Variants in RPS6KC1 observed in about 807,000 individuals in gnomAD.
RPS6KC1 encodes the protein inactive ribosomal protein S6 kinase delta-1.
Under a neutral mutation model 103.8 loss-of-function variants are expected in RPS6KC1, and 54 were observed. That is an observed-to-expected ratio of 0.52 (90% CI 0.42 to 0.65). The LOEUF (loss-of-function observed/expected upper bound fraction) is 0.65. RPS6KC1 is among the 30% of genes least tolerant of loss of function. The pLI is 0.00. For missense variants in RPS6KC1, 1,151 were observed against 1,253.8 expected, an observed-to-expected ratio of 0.92 and a Z score of 1.24; for synonymous variants, 439 against 438.7, an observed-to-expected ratio of 1.00 and a Z score of -0.01.
the RPS6KC1 span, among the ~76,000 whole-genome samples, chr1:213,356,050 G>C: frequency 1.3e-5 from 2 of 152,162 alleles, no homozygotes; most frequent in African/African-American, 4.8e-5. Flanking sequence ...AGGTCAGTCT[G>C]GTTATGTGCT....
At chr1:213,070,541 G>T (rs780862335) in intron 1 of RPS6KC1, among the ~76,000 whole-genome samples, 21 of 151,996 alleles carry the variant, frequency 1.4e-4, no homozygotes, top group Non-Finnish European at 2.5e-4. Flanking sequence ...AGAGACTCCA[G>T]CGCAACCATG....
chr1:213,846,577 A>G, the RPS6KC1 span, among the ~76,000 whole-genome samples: 2 of 152,240 alleles, frequency 1.3e-5, no homozygotes, highest in Non-Finnish European at 2.9e-5. Flanking sequence ...GCCATGATCA[A>G]AAACAAAACA....
chr1:213,370,013 C>A, the RPS6KC1 span, among the ~76,000 whole-genome samples: 1 of 152,222 alleles, frequency 6.6e-6, no homozygotes, highest in African/African-American at 2.4e-5. Context: ...ATTCTGCTCT[C>A]ACTCACTATG....
At chr1:213,753,493 C>G in the RPS6KC1 span, among the ~76,000 whole-genome samples, 1 of 152,148 alleles carries the variant, frequency 6.6e-6, no homozygotes, top group Admixed American at 6.5e-5. Flanking sequence ...TGGGGCCCTA[C>G]TAGATTGCCC....
intron 13 of RPS6KC1, 29 bp from the exon 14 acceptor site, chr1:213,262,692 T>G: frequency 7.5e-7 from 1 of 1,336,126 alleles, no homozygotes; most frequent in South Asian, 1.2e-5. Context: ...TTATTTGGGA[T>G]AAGAAGTGTA....
the RPS6KC1 span, among the ~76,000 whole-genome samples, chr1:213,657,282 G>A: frequency 6.6e-6 from 1 of 152,122 alleles, no homozygotes; most frequent in African/African-American, 2.4e-5. Context: ...GGAAGGCAAA[G>A]GTAGTGAATG....
At chr1:213,354,023 C>T in the RPS6KC1 span, among the ~76,000 whole-genome samples, 1 of 152,170 alleles carries the variant, frequency 6.6e-6, no homozygotes, top group African/African-American at 2.4e-5. Flanking sequence ...AAAGAAAGTC[C>T]ATTAAGTCCT....
At chr1:213,584,206 A>G in the RPS6KC1 span, among the ~76,000 whole-genome samples, 1 of 152,316 alleles carries the variant, frequency 6.6e-6, no homozygotes, top group Admixed American at 6.5e-5. Flanking sequence ...AGGCTTCCCC[A>G]GCCATGTGGA....
At chr1:213,407,023 G>A in the RPS6KC1 span, among the ~76,000 whole-genome samples, 1 of 152,104 alleles carries the variant, frequency 6.6e-6, no homozygotes, top group Non-Finnish European at 1.5e-5. Context: ...GTGCTGAGGT[G>A]CCTTTGCTGG....
chr1:213,751,130 C>T, the RPS6KC1 span, among the ~76,000 whole-genome samples: 1 of 152,130 alleles, frequency 6.6e-6, no homozygotes, highest in African/African-American at 2.4e-5. Context: ...CATGAATTTT[C>T]TACACAGACA....
At chr1:213,061,834 T>C (rs139760311) in intron 1 of RPS6KC1, among the ~76,000 whole-genome samples, 2 of 152,314 alleles carry the variant, frequency 1.3e-5, no homozygotes, top group Non-Finnish European at 2.9e-5. Flanking sequence ...TGGACATGTT[T>C]TCCATGTTTG....
intron 8 of RPS6KC1, among the ~76,000 whole-genome samples, chr1:213,219,978 G>A (rs953646968): frequency 6.6e-6 from 1 of 151,850 alleles, no homozygotes; most frequent in Non-Finnish European, 1.5e-5. Context: ...TGCACGTTGT[G>A]CACATGTACC....
the RPS6KC1 span, among the ~76,000 whole-genome samples, chr1:213,737,420 G>A: frequency 6.6e-6 from 1 of 152,172 alleles, no homozygotes; most frequent in Non-Finnish European, 1.5e-5. Flanking sequence ...GAATCAAAAT[G>A]GTGATTTCAG....
the RPS6KC1 span, among the ~76,000 whole-genome samples, chr1:213,353,839 A>G: frequency 6.6e-6 from 1 of 152,196 alleles, no homozygotes; most frequent in Admixed American, 6.5e-5. Context: ...AATGTTATGG[A>G]AATTCAGAGG....
the RPS6KC1 span, among the ~76,000 whole-genome samples, chr1:213,516,493 GT>G: frequency 6.6e-6 from 1 of 152,178 alleles, no homozygotes. Flanking sequence ...ATAATCATGT[GT>G]TTTTTGTCGT....
the RPS6KC1 span, among the ~76,000 whole-genome samples, chr1:213,321,981 A>G: frequency 6.6e-6 from 1 of 152,210 alleles, no homozygotes; most frequent in African/African-American, 2.4e-5. Flanking sequence ...GGAATGAGTG[A>G]GAGGGGGTAG....
the RPS6KC1 span, among the ~76,000 whole-genome samples, chr1:213,301,698 C>CTTACTTACTTATTTAT: frequency 1.6e-4 from 22 of 141,254 alleles, no homozygotes; most frequent in African/African-American, 5.8e-4. Context: ...GACCCATTTA[C>CTTACTTACTTATTTAT]TTATTTATTT....
the RPS6KC1 span, among the ~76,000 whole-genome samples, chr1:213,815,543 A>T: frequency 6.6e-6 from 1 of 152,060 alleles, no homozygotes; most frequent in African/African-American, 2.4e-5. Flanking sequence ...AAATTTAAAA[A>T]TAGGAGTTCA....
chr1:213,338,360 A>T, the RPS6KC1 span, among the ~76,000 whole-genome samples: 1 of 152,186 alleles, frequency 6.6e-6, no homozygotes, highest in East Asian at 1.9e-4. Context: ...TTTCCTGGCC[A>T]TTCTTACTGT....
Sources: gnomAD v4.1 joint callset for allele counts (sites outside exome capture counted in the v4.1 genomes callset) on GRCh38, gnomAD v4.1.1 for gene constraint, MANE v1.5 for transcripts, NCBI Gene and HGNC (gene_info 2026-07-23, HGNC 2026-07-21) for gene names.